FSCN2: variants seen among roughly 807,000 people sequenced by gnomAD.
The protein encoded by FSCN2 is fascin-2.
A neutral mutation model predicts 37.8 loss-of-function variants in FSCN2; 46 were observed. That is an observed-to-expected ratio of 1.22 (90% CI 0.96 to 1.56). The LOEUF (loss-of-function observed/expected upper bound fraction) is 1.56, where lower values mean the gene tolerates loss of function less well. Ranked by LOEUF, FSCN2 falls within the 40% of genes most tolerant of loss-of-function variation. FSCN2 has a pLI of 0.00. For synonymous variants in FSCN2, 351 were observed against 309.4 expected (o/e 1.13, Z -1.41); for missense variants, 844 against 730.4 (o/e 1.16, Z -1.79).
chr17:81,527,237 G>A (rs1249262009), upstream of FSCN2: 2 of 152,402 alleles, frequency 1.3e-5, no homozygotes, highest in African/African-American at 4.8e-5. Flanking sequence ...CAGGAGATGG[G>A]CCCAGGAGGA....
At chr17:81,534,699 TATAA>T (rs1027416076) in intron 1 of FSCN2, among the ~76,000 whole-genome samples, 2 of 151,700 alleles carry the variant, frequency 1.3e-5, no homozygotes, top group African/African-American at 2.4e-5. Context: ...TAGGGTGAGT[TATAA>T]ATAGAGGCTG....
At chr17:81,519,724 A>C in the FSCN2 span, among the ~76,000 whole-genome samples, 2 of 152,078 alleles carry the variant, frequency 1.3e-5, no homozygotes, top group Non-Finnish European at 2.9e-5. Flanking sequence ...TGACGCGGAA[A>C]AGTGGGATGG....
chr17:81,515,730 C>G, the FSCN2 span, among the ~76,000 whole-genome samples: 1 of 152,254 alleles, frequency 6.6e-6, no homozygotes, highest in Non-Finnish European at 1.5e-5. Flanking sequence ...CAGTCCCCAC[C>G]GCCAACCACC....
chr17:81,525,834 G>A (rs1055719756), upstream of FSCN2, among the ~76,000 whole-genome samples: 3 of 152,216 alleles, frequency 2.0e-5, no homozygotes, highest in Non-Finnish European at 4.4e-5. Context: ...CAGAGGAAGC[G>A]ATCCTAGCAG....
intron 1 of FSCN2, among the ~76,000 whole-genome samples, chr17:81,532,723 T>C (rs939450743): frequency 9.3e-5 from 14 of 150,260 alleles, no homozygotes; most frequent in Non-Finnish European, 1.9e-4. Context: ...GTGGTGGTGA[T>C]AGTGATGGTG....
intron 1 of FSCN2, among the ~76,000 whole-genome samples, chr17:81,531,406 T>A (rs2032579749): frequency 6.9e-6 from 1 of 144,696 alleles, no homozygotes; most frequent in African/African-American, 2.6e-5. Flanking sequence ...ATGGTGATGG[T>A]GATGGTGGTG....
At chr17:81,516,514 C>T in the FSCN2 span, among the ~76,000 whole-genome samples, 1 of 152,348 alleles carries the variant, frequency 6.6e-6, no homozygotes, top group African/African-American at 2.4e-5. Context: ...AAGCTCTTTC[C>T]AGGGCCTGGC....
At chr17:81,530,484 G>T (rs1555671077) in intron 1 of FSCN2, 8 of 405,804 alleles carry the variant, frequency 2.0e-5, no homozygotes. Flanking sequence ...TACCCACCTG[G>T]GCTCCTGGCT....
At chr17:81,531,318 A>ATGGTGGTGGTGGTGATGGTGG (rs781882828) in intron 1 of FSCN2, among the ~76,000 whole-genome samples, 1 of 39,902 alleles carries the variant, frequency 2.5e-5, no homozygotes, top group African/African-American at 1.0e-4. Flanking sequence ...GGTGGTGGTG[A>ATGGTGGTGGTGGTGATGGTGG]TGATGGTGGT....
In FSCN2 at chr17:81,536,815, C is replaced by T. The variant is rs368423712; in HGVS notation, c.1273+26C>T. ...GTGCGTGGCGGGGCGGGTGGGCACGCGGGAGCGGGGGTGGCAGCGGGCAGG... is the reference window on the plus strand; with the variant it reads ...GTGCGTGGCGGGGCGGGTGGGCACGTGGGAGCGGGGGTGGCAGCGGGCAGG... On this transcript the variant is annotated intron_variant, in intron 4 of 4. Coordinates refer to ENST00000417245, the MANE Select transcript of FSCN2 (RefSeq NM_012418.4). 37 of 1,411,692 alleles carry T rather than the reference C, an allele frequency of 2.6e-5. No individual in the cohort carries two copies. In the East Asian group the frequency reaches 7.4e-4, roughly 28 times the overall value. The allele number at this position is 1,411,692 out of a possible 1,614,324, so 87.4% of individuals were successfully genotyped here.
chr17:81,529,740 C>T (rs868940545), intron 1 of FSCN2: 2 of 492,562 alleles, frequency 4.1e-6, no homozygotes, highest in African/African-American at 3.9e-5. Context: ...CCATGAGGGG[C>T]ATGTGGGCAG....
upstream of FSCN2, chr17:81,523,894 CAGCGT>C (rs2032274454): frequency 6.6e-6 from 1 of 152,400 alleles, no homozygotes; most frequent in Non-Finnish European, 1.5e-5. Context: ...CCACCAGCAT[CAGCGT>C]TGCAGGGCAT....
chr17:81,526,313 C>G (rs7221858), upstream of FSCN2, among the ~76,000 whole-genome samples: 3 of 152,178 alleles, frequency 2.0e-5, no homozygotes, highest in African/African-American at 7.2e-5. Flanking sequence ...CCACCGCTCA[C>G]GGACCAACCG....
chr17:81,518,326 G>A, the FSCN2 span, among the ~76,000 whole-genome samples: 1 of 151,990 alleles, frequency 6.6e-6, no homozygotes, highest in African/African-American at 2.4e-5. Context: ...CAGCATCCTT[G>A]TCCTCCACAG....
At chr17:81,536,819 A>G (rs907213392) in intron 4 of FSCN2, 30 bp downstream of exon 4, 3 of 1,554,224 alleles carry the variant, frequency 1.9e-6, no homozygotes, top group Admixed American at 3.7e-5. Context: ...GGCACGCGGG[A>G]GCGGGGGTGG....
Position 81,531,579 on chromosome 17 carries a change from A to ATGATGG in FSCN2, c.826+2233_826+2238dup, listed in dbSNP as rs1568077705. ...GATGATGGTGATGATAGTGATGGTGATGATGGTGATGGTGATAGTGATGAT... is the reference window on the plus strand; with the variant it reads ...GATGATGGTGATGATAGTGATGGTGATGATGGTGATGGTGATGGTGATAGTGATGAT... On this transcript the variant is annotated intron_variant, in intron 1 of 4. Transcript: ENST00000417245. Among the ~76,000 whole-genome samples, 4 of 121,558 alleles carry ATGATGG rather than the reference A, an allele frequency of 3.3e-5. No homozygotes were observed. In the Admixed American group the frequency reaches 3.3e-4, roughly 10 times the overall value. The allele number at this position is 121,558 out of a possible 152,430, so 79.7% of individuals were successfully genotyped here. A position where few individuals can be genotyped will look rare whatever the true frequency, so the allele number is the denominator to read the frequency against.
rs2032805687 is a variant in FSCN2 at position 81,535,146 on chromosome 17, C to T, written c.921C>T (p.Ser307=). Residue 307 remains serine, a synonymous_variant, in exon 2 of 5, where the codon TCC becomes TCT. Transcript: ENST00000417245. The part of the protein sequence containing the change: ...DQETKKCTFY[S]STGGYWTLVT... ...AGACAAAGAAGTGCACCTTCTATTC[C>T]AGCACTGGGGGCTACTGGACCCTGG... is the stretch of plus-strand genomic sequence containing the variant. 1 of 1,534,236 alleles carries T rather than the reference C, an allele frequency of 6.5e-7. No homozygotes were observed. Among genetic ancestry groups the T allele is most frequent in the Non-Finnish European group, 8.7e-7 (1 of 1,145,544 alleles).
At chr17:81,523,676 G>T, upstream of FSCN2, 1 of 152,578 alleles carries the variant, frequency 6.6e-6, no homozygotes, top group Non-Finnish European at 1.5e-5. Context: ...GCCAACAGGA[G>T]TGGCAGCGGT....
intron 1 of FSCN2, among the ~76,000 whole-genome samples, chr17:81,531,966 GTGA>G (rs567268443): frequency 2.0e-4 from 24 of 122,426 alleles, no homozygotes; most frequent in East Asian, 5.5e-4. Context: ...GATGGTGATA[GTGA>G]TGATAATGGT....
Sources: allele counts gnomAD v4.1 joint callset (sites outside exome capture counted in the v4.1 genomes callset), GRCh38; gene constraint gnomAD v4.1.1; transcripts MANE v1.5; gene names NCBI Gene and HGNC (gene_info 2026-07-23, HGNC 2026-07-21).